Variants in SEC23IP observed in about 807,000 individuals in gnomAD.
The protein encoded by SEC23IP is SEC23 interacting protein.
SEC23IP carries 70 observed loss-of-function variants against 113.4 expected under a neutral mutation model. The ratio of observed to expected loss-of-function variants is 0.62; its 90% CI spans 0.51 to 0.75. The LOEUF is 0.75. SEC23IP is among the 30% of genes least tolerant of loss of function. The pLI is 0.00. For synonymous variants in SEC23IP, 398 were observed against 421.0 expected (o/e 0.95, Z 0.67); for missense variants, 1,160 against 1,204.9 (o/e 0.96, Z 0.55).
intron 12 of SEC23IP, among the ~76,000 whole-genome samples, chr10:119,923,621 T>C (rs2134508271): frequency 6.6e-6 from 1 of 151,822 alleles, no homozygotes. Context: ...CGATCTCGGC[T>C]CACTGCAACC....
chr10:119,940,301 C>T (rs763885296), intron 18 of SEC23IP, among the ~76,000 whole-genome samples: 1 of 151,718 alleles, frequency 6.6e-6, no homozygotes, highest in Non-Finnish European at 1.5e-5. Context: ...CATTCTCCTG[C>T]CTCAGCCTCC....
chr10:119,898,919 CT>C lies in SEC23IP; in HGVS notation c.657del (p.Val220PhefsTer60). ...GCTCATCCTCCACCTTCTGGACCCC[CT>C]GTTCAGATGTACCAGATGCCTCCAG... ...PPAHPPPSGPPVQMYQMPPGS... is the reference protein window; with the variant it reads ...PPAHPPPSGPXVQMYQMPPGS... On this transcript the variant is annotated frameshift_variant, in exon 2 of 19. Coordinates refer to ENST00000369075, the MANE Select transcript of SEC23IP (RefSeq NM_007190.4). LOFTEE classifies it high-confidence loss of function. 6.2e-7 allele frequency: 1 copy of C among 1,600,214 alleles called. No individual in the cohort carries two copies. The highest frequency in any genetic ancestry group is 8.5e-7 in the Non-Finnish European group (1 of 1,178,900).
intron 3 of SEC23IP, among the ~76,000 whole-genome samples, chr10:119,903,433 G>A (rs1021899727): frequency 2.0e-5 from 3 of 152,178 alleles, no homozygotes; most frequent in Non-Finnish European, 4.4e-5. Context: ...ATGGTGTGCA[G>A]GAGTACATTA....
intron 2 of SEC23IP, among the ~76,000 whole-genome samples, chr10:119,900,002 C>G (rs1315350443): frequency 6.6e-6 from 1 of 151,748 alleles, no homozygotes; most frequent in Non-Finnish European, 1.5e-5. Flanking sequence ...CCTGCCCCTT[C>G]CTCCTGCTTC....
At chr10:119,899,796 GTT>G (rs1169324668) in intron 2 of SEC23IP, among the ~76,000 whole-genome samples, 1 of 152,114 alleles carries the variant, frequency 6.6e-6, no homozygotes, top group African/African-American at 2.4e-5. Context: ...TTTTAAAAAG[GTT>G]TTTAGATAAA....
chr10:119,936,693 T>A (rs991780843), intron 18 of SEC23IP, among the ~76,000 whole-genome samples: 14 of 150,260 alleles, frequency 9.3e-5, no homozygotes, highest in South Asian at 4.2e-4. Context: ...GATTAAAAAA[T>A]TTTTTTTTGC....
chr10:119,933,975 A>C (rs1274742564), intron 18 of SEC23IP, among the ~76,000 whole-genome samples, 188 bp downstream of exon 18: 2 of 152,242 alleles, frequency 1.3e-5, no homozygotes, highest in Non-Finnish European at 1.5e-5. Flanking sequence ...GATTTATTAC[A>C]GTCTTCTTTC....
intron 5 of SEC23IP, among the ~76,000 whole-genome samples, chr10:119,909,586 G>A (rs967652335): frequency 6.6e-6 from 1 of 152,098 alleles, no homozygotes; most frequent in South Asian, 2.1e-4. Context: ...GCAAGACCTC[G>A]TCTCAAAATA....
chr10:119,920,999 T>C lies in SEC23IP; in HGVS notation c.2121+15T>C, dbSNP rs1051296496. Reference sequence around the variant, plus strand: ...CAGCCAAACTGGTAAAGTTCACCTCTGACTCAAGAAAAACTAAAACTCATG... The same window carrying C: ...CAGCCAAACTGGTAAAGTTCACCTCCGACTCAAGAAAAACTAAAACTCATG... On this transcript the variant is annotated intron_variant, in intron 12 of 18. Transcript: ENST00000369075. 1.9e-6 allele frequency: 3 copies of C among 1,579,024 alleles called. No individual in the cohort carries two copies. Among genetic ancestry groups the C allele is most frequent in the Non-Finnish European group, 2.6e-6 (3 of 1,149,226 alleles).
intron 9 of SEC23IP, 46 bp from the exon 10 acceptor site, chr10:119,918,347 T>C: frequency 2.6e-6 from 3 of 1,151,012 alleles, no homozygotes; most frequent in Non-Finnish European, 3.9e-6. Flanking sequence ...ATTAGTGTTA[T>C]AAAAGTACCT....
At position 119,892,764 on chromosome 10, in the gene SEC23IP, C is replaced by A; in HGVS notation, c.-19C>A. 1 of 1,594,334 alleles carries A rather than the reference C, an allele frequency of 6.3e-7. No individual in the cohort carries two copies. Among genetic ancestry groups the A allele is most frequent in the Non-Finnish European group, 8.5e-7 (1 of 1,169,622 alleles). ...GTACCGGGTACCCGGAGACGTGTATCGGACGGTGGGCCGCAGCCATGGCCG... is the reference window on the plus strand; with the variant it reads ...GTACCGGGTACCCGGAGACGTGTATAGGACGGTGGGCCGCAGCCATGGCCG... On this transcript the variant is annotated 5_prime_UTR_variant, in exon 1 of 19. Coordinates refer to ENST00000369075, the MANE Select transcript of SEC23IP (RefSeq NM_007190.4).
chr10:119,894,935 T>A (rs1854224835), intron 1 of SEC23IP, among the ~76,000 whole-genome samples: 1 of 142,874 alleles, frequency 7.0e-6, no homozygotes, highest in Admixed American at 7.0e-5. Context: ...TGTGTGTGTG[T>A]GAATATTAAT....
At chr10:119,905,559 T>G (rs1384380405) in intron 4 of SEC23IP, among the ~76,000 whole-genome samples, 1 of 152,044 alleles carries the variant, frequency 6.6e-6, no homozygotes, top group Non-Finnish European at 1.5e-5. Flanking sequence ...GCAGAGGAGG[T>G]TAGGAAGTGA....
At chr10:119,892,974 G>A in intron 1 of SEC23IP, 29 bp downstream of exon 1, 1 of 1,592,646 alleles carries the variant, frequency 6.3e-7, no homozygotes, top group South Asian at 1.1e-5. Context: ...CCCCGTGTGT[G>A]GTGGGAGGCG....
Position 119,915,847 on chromosome 10 carries a change from A to G in SEC23IP, c.1502A>G (p.His501Arg), listed in dbSNP as rs779932611. Residue 501 changes from histidine to arginine, a missense_variant, in exon 8 of 19, where the codon CAT (histidine) becomes CGT (arginine). Transcript: ENST00000369075. ...AGCAGAGTGGAGTTCCTTCCAGTTC[A>G]TTGGCATAGTTCTTTGGGTGGGGAC... Reference protein sequence around the residue: ...KVSRVEFLPVHWHSSLGGDAT... With the variant: ...KVSRVEFLPVRWHSSLGGDAT... 2.5e-6 allele frequency: 4 copies of G among 1,596,222 alleles called. No individual in the cohort carries two copies. The highest frequency in any genetic ancestry group is 2.7e-5 in the African/African-American group (2 of 74,510).
intron 12 of SEC23IP, among the ~76,000 whole-genome samples, chr10:119,923,416 A>C (rs1319017031): frequency 6.6e-6 from 1 of 152,084 alleles, no homozygotes; most frequent in Non-Finnish European, 1.5e-5. Context: ...ATTTTATAAC[A>C]AGGAGATCAA....
At chr10:119,915,622 C>A in intron 7 of SEC23IP, 126 bp from the exon 8 acceptor site, 3 of 708,252 alleles carry the variant, frequency 4.2e-6, no homozygotes, top group Non-Finnish European at 6.1e-6. Context: ...CTCTTATCCT[C>A]ATTTTTTTCT....
At chr10:119,930,292 A>G in intron 14 of SEC23IP, 37 bp from the exon 15 acceptor site, 2 of 1,299,570 alleles carry the variant, frequency 1.5e-6, no homozygotes, top group South Asian at 1.4e-5. Context: ...GCTTTCATAA[A>G]TTTCTTTTAT....
intron 10 of SEC23IP, 43 bp downstream of exon 10, chr10:119,918,554 A>G (rs779786605): frequency 1.8e-5 from 20 of 1,084,528 alleles, no homozygotes; most frequent in South Asian, 5.1e-5. Flanking sequence ...TTTAGAGTCT[A>G]TGGAGCTGAA....
Sources: gnomAD v4.1 joint callset for allele counts (sites outside exome capture counted in the v4.1 genomes callset) on GRCh38, gnomAD v4.1.1 for gene constraint, MANE v1.5 for transcripts, NCBI Gene and HGNC (gene_info 2026-07-23, HGNC 2026-07-21) for gene names.